The following MGAT4C variants were observed in gnomAD, a reference collection of about 807,000 sequenced individuals.
MGAT4C encodes the protein MGAT4 family member C.
In MGAT4C, 19 loss-of-function variants were observed where a neutral mutation model predicts 40.1. That is an observed-to-expected ratio of 0.47 (90% CI 0.33 to 0.70). The LOEUF (loss-of-function observed/expected upper bound fraction) is 0.70. Among genes scored for constraint, MGAT4C ranks in the 30% least tolerant of loss-of-function variants. The pLI is 0.02. For missense variants in MGAT4C, 491 were observed against 563.2 expected, an observed-to-expected ratio of 0.87 and a Z score of 1.30; for synonymous variants, 181 against 187.1, an observed-to-expected ratio of 0.97 and a Z score of 0.27.
intron 2 of MGAT4C, among the ~76,000 whole-genome samples, chr12:86,659,268 G>A (rs925694243): frequency 2.0e-5 from 3 of 151,898 alleles, no homozygotes; most frequent in African/African-American, 7.3e-5. Flanking sequence ...CCAGTGTCTA[G>A]TTCAGTTATT....
At chr12:86,443,927 A>G (rs1295306928) in intron 2 of MGAT4C, among the ~76,000 whole-genome samples, 1 of 152,040 alleles carries the variant, frequency 6.6e-6, no homozygotes, top group African/African-American at 2.4e-5. Context: ...AGTTTTACCA[A>G]ACTTTCTCAT....
chr12:86,581,215 T>C (rs1960765554), intron 2 of MGAT4C, among the ~76,000 whole-genome samples: 1 of 151,466 alleles, frequency 6.6e-6, no homozygotes, highest in Admixed American at 6.6e-5. Flanking sequence ...GTTGAGATTT[T>C]CTATAACAGA....
At chr12:86,472,802 T>A (rs550313526) in intron 2 of MGAT4C, among the ~76,000 whole-genome samples, 1 of 152,188 alleles carries the variant, frequency 6.6e-6, no homozygotes, top group African/African-American at 2.4e-5. Flanking sequence ...AAATTTTGAG[T>A]CACAGATATT....
intron 1 of MGAT4C, among the ~76,000 whole-genome samples, chr12:86,092,650 G>A (rs993299872): frequency 8.6e-5 from 13 of 152,026 alleles, no homozygotes; most frequent in Admixed American, 7.2e-4. Context: ...TGAGTTCCAA[G>A]AGGACGCTGG....
At chr12:86,633,786 T>C (rs572059175) in intron 2 of MGAT4C, among the ~76,000 whole-genome samples, 1 of 152,238 alleles carries the variant, frequency 6.6e-6, no homozygotes, top group African/African-American at 2.4e-5. Context: ...TTAATCATAT[T>C]TTGTTTTTTA....
chr12:85,956,629 T>A lies in MGAT4C; in HGVS notation c.*22660A>T, dbSNP rs986329530. 2 of 152,136 alleles carry A rather than the reference T, an allele frequency of 1.3e-5. No individual in the cohort carries two copies. Among genetic ancestry groups the A allele is most frequent in the African/African-American group, 2.4e-5 (1 of 41,430 alleles). The allele number at this position is 152,136 out of a possible 1,614,324, so 9.4% of individuals were successfully genotyped here. On this transcript the variant is annotated 3_prime_UTR_variant, in exon 5 of 5. Transcript: ENST00000611864. ...GTATGGTGTAGAGAAAACAAAAATGTCATAACAATTTCAGTTTTCAGCCTG... is the reference window on the plus strand; with the variant it reads ...GTATGGTGTAGAGAAAACAAAAATGACATAACAATTTCAGTTTTCAGCCTG...
chr12:86,451,126 G>A (rs375335405), intron 2 of MGAT4C, among the ~76,000 whole-genome samples: 7 of 152,030 alleles, frequency 4.6e-5, no homozygotes, highest in African/African-American at 1.7e-4. Flanking sequence ...TAGATCATGG[G>A]GTGGATTTCT....
intron 2 of MGAT4C, among the ~76,000 whole-genome samples, chr12:86,628,087 T>C (rs1962880824): frequency 6.6e-6 from 1 of 152,166 alleles, no homozygotes; most frequent in Admixed American, 6.5e-5. Flanking sequence ...GCAGGAGAAC[T>C]ATGTGACACA....
intron 2 of MGAT4C, among the ~76,000 whole-genome samples, chr12:86,696,238 T>A (rs1341996475): frequency 2.0e-5 from 3 of 151,954 alleles, no homozygotes; most frequent in Admixed American, 6.6e-5. Flanking sequence ...ATAATTGGAT[T>A]GTTTGTAGCA....
intron 2 of MGAT4C, among the ~76,000 whole-genome samples, chr12:86,472,397 T>C (rs150153231): frequency 6.6e-6 from 1 of 152,286 alleles, no homozygotes; most frequent in East Asian, 1.9e-4. Flanking sequence ...GGTGACCAGA[T>C]CCTTTTTTGC....
intron 2 of MGAT4C, among the ~76,000 whole-genome samples, chr12:86,491,967 T>C (rs1201300524): frequency 5.9e-5 from 9 of 152,044 alleles, no homozygotes; most frequent in Non-Finnish European, 1.3e-4. Flanking sequence ...ACAAAATCAA[T>C]GTACAAAAAT....
At chr12:86,779,684 C>A (rs575034008) in intron 1 of MGAT4C, among the ~76,000 whole-genome samples, 1 of 151,978 alleles carries the variant, frequency 6.6e-6, no homozygotes, top group Non-Finnish European at 1.5e-5. Flanking sequence ...GAGGCCAAGG[C>A]GGGCGGATCA....
intron 2 of MGAT4C, among the ~76,000 whole-genome samples, chr12:86,705,196 T>C (rs1306401389): frequency 6.7e-6 from 1 of 149,816 alleles, no homozygotes; most frequent in African/African-American, 2.5e-5. Flanking sequence ...TCTCTAATTA[T>C]CTATCTATCT....
chr12:86,191,383 G>A (rs1278701807), intron 1 of MGAT4C, among the ~76,000 whole-genome samples: 1 of 151,798 alleles, frequency 6.6e-6, no homozygotes, highest in Non-Finnish European at 1.5e-5. Flanking sequence ...GAATGCAATG[G>A]AAATATTCAA....
chr12:86,764,506 G>C (rs1385960539), intron 1 of MGAT4C, among the ~76,000 whole-genome samples: 5 of 148,348 alleles, frequency 3.4e-5, no homozygotes, highest in African/African-American at 7.5e-5. Context: ...GCTTTGAAGA[G>C]AGCAGTGGTT....
chr12:86,188,252 TAGTG>T (rs1212256883), intron 1 of MGAT4C, among the ~76,000 whole-genome samples: 15 of 152,064 alleles, frequency 9.9e-5, no homozygotes, highest in African/African-American at 3.6e-4. Flanking sequence ...GATGGTTTTC[TAGTG>T]GGAAAAATAG....
chr12:86,207,819 C>T (rs1476236474), intron 1 of MGAT4C, among the ~76,000 whole-genome samples: 1 of 152,042 alleles, frequency 6.6e-6, no homozygotes, highest in Non-Finnish European at 1.5e-5. Context: ...AATTAATGAA[C>T]ATTTGCAATT....
chr12:86,069,731 C>G (rs1178903504), intron 1 of MGAT4C, among the ~76,000 whole-genome samples: 1 of 152,078 alleles, frequency 6.6e-6, no homozygotes, highest in African/African-American at 2.4e-5. Context: ...AAAGTTACTA[C>G]TAGCATCTTG....
At chr12:86,409,825 A>G (rs1252236345) in intron 3 of MGAT4C, among the ~76,000 whole-genome samples, 1 of 151,934 alleles carries the variant, frequency 6.6e-6, no homozygotes, top group Non-Finnish European at 1.5e-5. Flanking sequence ...CCAGCCCCCA[A>G]TTTTTCAATG....
Sources: gnomAD v4.1 joint callset for allele counts (sites outside exome capture counted in the v4.1 genomes callset) on GRCh38, gnomAD v4.1.1 for gene constraint, MANE v1.5 for transcripts, NCBI Gene and HGNC (gene_info 2026-07-23, HGNC 2026-07-21) for gene names.